Variants in GRM1 observed in about 807,000 individuals in gnomAD.
The protein encoded by GRM1 is glutamate metabotropic receptor 1, also known as metabotropic glutamate receptor 1.
GRM1 carries 33 observed loss-of-function variants against 90.9 expected under a neutral mutation model. That is an observed-to-expected ratio of 0.36 (90% CI 0.28 to 0.49). GRM1 has a LOEUF of 0.49. GRM1 is among the 20% of genes least tolerant of loss of function. The pLI is 0.99. For synonymous variants in GRM1, 700 were observed against 613.2 expected, an observed-to-expected ratio of 1.14 and a Z score of -2.09; for missense variants, 1,190 against 1,534.3, an observed-to-expected ratio of 0.78 and a Z score of 3.75.
rs1439910014 is a variant in GRM1 at position 146,106,070 on chromosome 6, G to A, written c.701-53278G>A. ...GTACATATAAAATGTTCTGTATTTG[G>A]AAATTGTTTTCTTTCAAGTCATAAT... On this transcript the variant is annotated intron_variant, in intron 1 of 7. Coordinates refer to ENST00000282753, the MANE Select transcript of GRM1 (RefSeq NM_001278064.2). Among the ~76,000 whole-genome samples the A allele has an allele frequency of 3.9e-5, 6 of 152,296 alleles. No homozygotes were observed. In the East Asian group the frequency reaches 7.7e-4, roughly 20 times the overall value.
intron 1 of GRM1, among the ~76,000 whole-genome samples, chr6:146,125,847 A>C (rs1776180556): frequency 6.6e-6 from 1 of 152,110 alleles, no homozygotes; most frequent in Non-Finnish European, 1.5e-5. Context: ...CTATTCTGAA[A>C]ATGTTTAAAA....
At chr6:146,058,994 A>C (rs1439261545) in intron 1 of GRM1, among the ~76,000 whole-genome samples, 1 of 152,132 alleles carries the variant, frequency 6.6e-6, no homozygotes, top group Non-Finnish European at 1.5e-5. Flanking sequence ...AAACCTCTCA[A>C]AGACCTTCAT....
intron 2 of GRM1, among the ~76,000 whole-genome samples, chr6:146,177,916 ATTC>A (rs1418129717): frequency 1.3e-5 from 2 of 152,150 alleles, no homozygotes; most frequent in Non-Finnish European, 2.9e-5. Context: ...GAATTTTACT[ATTC>A]TTGGATTTAC....
chr6:146,207,967 A>AT, intron 2 of GRM1, among the ~76,000 whole-genome samples: 1 of 152,054 alleles, frequency 6.6e-6, no homozygotes, highest in Non-Finnish European at 1.5e-5. Flanking sequence ...AGCTTCTGAG[A>AT]TTTTTCCCTC....
chr6:146,031,630 G>A (rs1174297526), intron 1 of GRM1, among the ~76,000 whole-genome samples: 1 of 152,098 alleles, frequency 6.6e-6, no homozygotes, highest in African/African-American at 2.4e-5. Context: ...TGCTTCTGAA[G>A]CTTGATTTTT....
Position 146,159,462 on chromosome 6 carries a change from G to C in GRM1, c.815G>C (p.Arg272Pro). ...YSNAGEKSFD[R>P]LLRKLRERLP... ...AACGCTGGGGAGAAGAGCTTTGACC[G>C]ACTCTTGCGCAAACTCCGAGAGAGG... Residue 272 changes from arginine to proline, a missense_variant, in exon 2 of 8, where the codon CGA becomes CCA. Physicochemically the swap from Arg to Pro is moderately radical, Grantham distance 103 (BLOSUM62 -2). Coordinates refer to ENST00000282753, the MANE Select transcript of GRM1 (RefSeq NM_001278064.2). 6.2e-7 allele frequency: 1 copy of C among 1,614,186 alleles called. No individual in the cohort carries two copies. Among genetic ancestry groups the C allele is most frequent in the Non-Finnish European group, 8.5e-7 (1 of 1,180,010 alleles).
chr6:146,414,272 C>T (rs997316750), intron 7 of GRM1, among the ~76,000 whole-genome samples: 1 of 151,952 alleles, frequency 6.6e-6, no homozygotes, highest in South Asian at 2.1e-4. Flanking sequence ...TTCCTGATGA[C>T]TAATGATCTT....
intron 3 of GRM1, among the ~76,000 whole-genome samples, chr6:146,324,433 T>C (rs1036321407): frequency 2.0e-5 from 3 of 151,708 alleles, no homozygotes; most frequent in African/African-American, 7.3e-5. Context: ...CAGGCTCCAC[T>C]GGGGAAAAAA....
intron 1 of GRM1, among the ~76,000 whole-genome samples, chr6:146,116,506 A>G (rs779653119): frequency 6.6e-6 from 1 of 152,154 alleles, no homozygotes; most frequent in African/African-American, 2.4e-5. Flanking sequence ...TGCTTTACTC[A>G]TATATTGTAC....
intron 1 of GRM1, among the ~76,000 whole-genome samples, chr6:146,110,163 G>A (rs1775500517): frequency 1.3e-5 from 2 of 152,262 alleles, no homozygotes; most frequent in South Asian, 4.1e-4. Context: ...AGATTTGGGA[G>A]GGGCCAGAGG....
chr6:146,284,643 T>G (rs899821001), intron 2 of GRM1, among the ~76,000 whole-genome samples: 3 of 152,158 alleles, frequency 2.0e-5, no homozygotes, highest in African/African-American at 7.2e-5. Context: ...GTGACAGAGT[T>G]CCCATGACAT....
intron 5 of GRM1, among the ~76,000 whole-genome samples, chr6:146,382,019 A>G (rs965214662): frequency 6.6e-6 from 1 of 152,156 alleles, no homozygotes; most frequent in Non-Finnish European, 1.5e-5. Flanking sequence ...GCAGCAGATC[A>G]CCTAGTCTCA....
At chr6:146,047,587 A>G (rs887993884) in intron 1 of GRM1, among the ~76,000 whole-genome samples, 6 of 151,766 alleles carry the variant, frequency 4.0e-5, no homozygotes, top group African/African-American at 1.4e-4. Context: ...AAAAAAAAAA[A>G]AAAACCTGCC....
In GRM1 at chr6:146,355,921, G is replaced by A. The variant is rs768516839; in HGVS notation, c.1434-1605G>A. Among the ~76,000 whole-genome samples the A allele has an allele frequency of 9.2e-5, 14 of 152,188 alleles. 1 individual carries two copies. The highest frequency in any genetic ancestry group is 2.0e-4 in the Admixed American group (3 of 15,278). ...AGTCAAGCACAAAGAGCAAGAGGCC[G>A]TGACTCATCTTCTAGTCCAGGAGGA... On this transcript the variant is annotated intron_variant, in intron 4 of 7. Transcript: ENST00000282753.
rs183977857 is a variant in GRM1 at position 146,271,586 on chromosome 6, C to T, written c.951-33025C>T. 3.0e-4 allele frequency among the ~76,000 whole-genome samples: 45 copies of T among 152,288 alleles called. 2 individuals are homozygous for T. The highest frequency in any genetic ancestry group is 2.3e-3 in the Admixed American group (35 of 15,298). ...TTTGAACATTTACCTTATTCCAACT[C>T]GAGTTCTAAGTCTTTTGAGCTTTGC... On this transcript the variant is annotated intron_variant, in intron 2 of 7. Coordinates refer to ENST00000282753, the MANE Select transcript of GRM1 (RefSeq NM_001278064.2).
intron 1 of GRM1, among the ~76,000 whole-genome samples, chr6:146,103,565 A>T (rs181140549): frequency 1.1e-4 from 16 of 152,274 alleles, no homozygotes; most frequent in African/African-American, 3.9e-4. Flanking sequence ...TCTGTAATAA[A>T]CATCCTGTAT....
chr6:146,247,566 T>C (rs1163575020), intron 2 of GRM1, among the ~76,000 whole-genome samples: 5 of 151,760 alleles, frequency 3.3e-5, no homozygotes, highest in African/African-American at 1.2e-4. Flanking sequence ...CTGGCCAACA[T>C]GGTGAAACCC....
At chr6:146,260,181 T>G (rs1781637593) in intron 2 of GRM1, among the ~76,000 whole-genome samples, 1 of 151,842 alleles carries the variant, frequency 6.6e-6, no homozygotes, top group African/African-American at 2.4e-5. Context: ...CTCAACAGGT[T>G]CCAGTGTGTG....
intron 1 of GRM1, among the ~76,000 whole-genome samples, chr6:146,035,393 G>T (rs781525878): frequency 2.0e-5 from 3 of 151,928 alleles, no homozygotes; most frequent in Non-Finnish European, 4.4e-5. Flanking sequence ...GTGGACGAAA[G>T]AAAAGCCAGA....
Sources: allele counts gnomAD v4.1 joint callset (sites outside exome capture counted in the v4.1 genomes callset), GRCh38; gene constraint gnomAD v4.1.1; transcripts MANE v1.5; gene names NCBI Gene and HGNC (gene_info 2026-07-23, HGNC 2026-07-21).